PCDHGA3: variants seen among roughly 807,000 people sequenced by gnomAD.
PCDHGA3 encodes protocadherin gamma subfamily A, 3, also known as protocadherin gamma-A3.
A neutral mutation model predicts 58.5 loss-of-function variants in PCDHGA3; 40 were observed. That is an observed-to-expected ratio of 0.68 (90% CI 0.53 to 0.89). The LOEUF (loss-of-function observed/expected upper bound fraction) is 0.89, where lower values mean the gene tolerates loss of function less well. Ranked by LOEUF, PCDHGA3 falls within the 40% of genes least tolerant of loss-of-function variation. The pLI, the probability that PCDHGA3 is intolerant of heterozygous loss-of-function variation, is 0.00. For synonymous variants in PCDHGA3, 530 were observed against 525.7 expected, an observed-to-expected ratio of 1.01 and a Z score of -0.11; for missense variants, 1,223 against 1,195.9, an observed-to-expected ratio of 1.02 and a Z score of -0.33.
rs1190379074 is a variant in PCDHGA3 at position 141,352,458 on chromosome 5, C to T, written c.2424+6001C>T. On this transcript the variant is annotated intron_variant, in intron 1 of 3. Coordinates refer to ENST00000253812, the MANE Select transcript of PCDHGA3 (RefSeq NM_018916.4). ...ACCGGTCTCTGCTCCAAGTCTGGGC[C>T]CGGGGTTCCTCCCAACCACAGCGAG... The T allele has an allele frequency of 3.1e-6, 5 of 1,613,938 alleles. No individual in the cohort carries two copies. The African/African-American group carries it at 6.7e-5, about 22-fold the overall frequency.
chr5:141,428,488 CTGT>C (rs2097142454), intron 1 of PCDHGA3: 1 of 312,362 alleles, frequency 3.2e-6, no homozygotes. Flanking sequence ...TTCCTGCAAT[CTGT>C]ATGTTCCCTC....
chr5:141,360,895 G>C lies in PCDHGA3; in HGVS notation c.2424+14438G>C, dbSNP rs766855815. The stretch of plus-strand genomic sequence containing the variant: ...CGTGTACAGGGTCACCCTGAGGGAG[G>C]ACGTGCCGCCGGGCTTCTTTGTGCT... On this transcript the variant is annotated intron_variant, in intron 1 of 3. Coordinates refer to ENST00000253812, the MANE Select transcript of PCDHGA3 (RefSeq NM_018916.4). The C allele has an allele frequency of 6.2e-6, 10 of 1,614,046 alleles. No homozygotes were observed. The Admixed American group carries it at 1.7e-4, about 27-fold the overall frequency.
chr5:141,476,233 G>A lies in PCDHGA3; in HGVS notation c.2425-18574G>A, dbSNP rs1162067190. ...CGGTCATTCACTATGAGATCCCGGA[G>A]GAAAGAGAGAAGGGTTTCGCTGTGG... On this transcript the variant is annotated intron_variant, in intron 1 of 3. Coordinates refer to ENST00000253812, the MANE Select transcript of PCDHGA3 (RefSeq NM_018916.4). The surrounding 1 kb of genome is among the most constrained non-coding windows in gnomAD (Gnocchi z 7.6). The A allele has an allele frequency of 3.1e-6, 5 of 1,613,996 alleles. No homozygotes were observed. Among genetic ancestry groups the A allele is most frequent in the African/African-American group, 2.7e-5 (2 of 74,894 alleles).
chr5:141,438,392 A>C (rs2097958012), intron 1 of PCDHGA3, among the ~76,000 whole-genome samples: 1 of 151,714 alleles, frequency 6.6e-6, no homozygotes, highest in African/African-American at 2.4e-5. Context: ...TTAGTTCATC[A>C]TTAACTCTCT....
rs376057952 is a variant in PCDHGA3 at position 141,417,907 on chromosome 5, A to G, written c.2424+71450A>G. On this transcript the variant is annotated intron_variant, in intron 1 of 3. Transcript: ENST00000253812. Reference sequence around the variant, plus strand: ...GGCGCCGGGCCGGCCCGCGGCAGGTACTATTTCCTTTGCTGCTGCCTTTGT... The same window carrying G: ...GGCGCCGGGCCGGCCCGCGGCAGGTGCTATTTCCTTTGCTGCTGCCTTTGT... The G allele has an allele frequency of 3.6e-4, 571 of 1,596,132 alleles. 2 individuals are homozygous for G. In the African/African-American group the frequency reaches 5.1e-3, roughly 14 times the overall value.
chr5:141,426,307 A>G (rs958090236), intron 1 of PCDHGA3: 2 of 172,782 alleles, frequency 1.2e-5, no homozygotes, highest in African/African-American at 4.7e-5. Context: ...GGTGAAGCAG[A>G]GAAGCAGGAC....
intron 1 of PCDHGA3, chr5:141,371,857 C>G (rs1768115675): frequency 6.2e-7 from 1 of 1,613,484 alleles, no homozygotes; most frequent in Admixed American, 1.7e-5. Flanking sequence ...GGCCTTGTCT[C>G]CTACTACATC....
rs771138206 is a variant in PCDHGA3, at chr5:141,365,985, T to A, written c.2424+19528T>A. ...AGCAACGTGTCGCTGAGCCTGTTTG[T>A]GCTGGACCAGAACGACAATACGCCT... On this transcript the variant is annotated intron_variant, in intron 1 of 3. Coordinates refer to ENST00000253812, the MANE Select transcript of PCDHGA3 (RefSeq NM_018916.4). 6.2e-6 allele frequency: 10 copies of A among 1,614,116 alleles called. No individual in the cohort carries two copies. In the Admixed American group the frequency reaches 1.3e-4, roughly 22 times the overall value.
chr5:141,434,174 C>T (rs1310074584), intron 1 of PCDHGA3, among the ~76,000 whole-genome samples: 1 of 152,132 alleles, frequency 6.6e-6, no homozygotes, highest in Non-Finnish European at 1.5e-5. Flanking sequence ...GGGATTATAT[C>T]CAAGATTTGT....
intron 1 of PCDHGA3, chr5:141,478,131 A>G (rs747801474): frequency 6.2e-7 from 1 of 1,614,064 alleles, no homozygotes; most frequent in Non-Finnish European, 8.5e-7. Flanking sequence ...GACTCTCCTG[A>G]AGCCCGAGCC....
chr5:141,360,213 CG>C, intron 1 of PCDHGA3: 1 of 1,613,128 alleles, frequency 6.2e-7, no homozygotes, highest in Non-Finnish European at 8.5e-7. Flanking sequence ...CTTTGTTCCC[CG>C]GGGCTCTCCC....
intron 1 of PCDHGA3, chr5:141,383,514 G>C (rs778204328): frequency 6.2e-7 from 1 of 1,612,718 alleles, no homozygotes; most frequent in African/African-American, 1.3e-5. Context: ...GGGAGGAAGA[G>C]CGGGTTCACC....
chr5:141,508,904 T>C (rs1421450229), intron 3 of PCDHGA3, among the ~76,000 whole-genome samples: 2 of 151,336 alleles, frequency 1.3e-5, no homozygotes, highest in African/African-American at 4.9e-5. Context: ...GGCGGGGCGG[T>C]GGCGGATCTG....
rs200900873 is a variant in PCDHGA3 at position 141,510,902 on chromosome 5, G to A, written c.2573-45G>A. On this transcript the variant is annotated intron_variant, in intron 3 of 3. Transcript: ENST00000253812. ...GGGGATATAAGACAGTGACTGTTGAGGACCCTAAGTTTAGCTCCCACCTGA... is the reference window on the plus strand; with the variant it reads ...GGGGATATAAGACAGTGACTGTTGAAGACCCTAAGTTTAGCTCCCACCTGA... The A allele has an allele frequency of 1.5e-3, 2,449 of 1,613,462 alleles. 7 individuals carry two copies. The highest frequency in any genetic ancestry group is 1.9e-3 in the Non-Finnish European group (2,206 of 1,179,758).
chr5:141,494,925 G>T (rs936071950), intron 2 of PCDHGA3, 60 bp downstream of exon 2: 1 of 1,613,316 alleles, frequency 6.2e-7, no homozygotes. Flanking sequence ...GGGATGACGT[G>T]GGAGGAGATG....
chr5:141,429,729 A>G (rs1362403236), intron 1 of PCDHGA3, among the ~76,000 whole-genome samples: 1 of 152,240 alleles, frequency 6.6e-6, no homozygotes, highest in African/African-American at 2.4e-5. Flanking sequence ...GAAAGTACGT[A>G]GCCAGTTATT....
chr5:141,375,054 G>C, intron 1 of PCDHGA3: 6 of 1,614,004 alleles, frequency 3.7e-6, no homozygotes, highest in South Asian at 1.1e-5. Context: ...GCCCGGGATG[G>C]GCCAGGTCTT....
At chr5:141,468,701 C>A (rs1186497330) in intron 1 of PCDHGA3, 2 of 151,628 alleles carry the variant, frequency 1.3e-5, no homozygotes, top group African/African-American at 2.4e-5. Flanking sequence ...CCCGTCTCTA[C>A]TAAAAATATA....
intron 1 of PCDHGA3, chr5:141,418,398 T>C (rs754177868): frequency 6.2e-7 from 1 of 1,613,842 alleles, no homozygotes; most frequent in South Asian, 1.1e-5. Flanking sequence ...TATTTCTCAT[T>C]GGTGGAGAAA....
Sources: gnomAD v4.1 joint callset for allele counts (sites outside exome capture counted in the v4.1 genomes callset) on GRCh38, gnomAD v4.1.1 for gene constraint, Gnocchi (gnomAD v3.1) non-coding constraint, MANE v1.5 for transcripts, NCBI Gene and HGNC (gene_info 2026-07-23, HGNC 2026-07-21) for gene names.